CCDC82: variants seen among roughly 807,000 people sequenced by gnomAD.
CCDC82 encodes coiled-coil domain-containing protein 82.
CCDC82 carries 47 observed loss-of-function variants against 60.6 expected under a neutral mutation model. The observed-to-expected ratio is 0.77, with a 90% confidence interval of 0.61 to 0.99. The LOEUF (loss-of-function observed/expected upper bound fraction) is 0.99, where lower values mean the gene tolerates loss of function less well. Among genes scored for constraint, CCDC82 ranks in the 50% least tolerant of loss-of-function variants. The pLI is 0.00. For missense variants in CCDC82, 588 were observed against 633.0 expected, an observed-to-expected ratio of 0.93 and a Z score of 0.76; for synonymous variants, 212 against 207.4, an observed-to-expected ratio of 1.02 and a Z score of -0.19.
chr11:96,365,905 C>T (rs901394759), intron 7 of CCDC82, among the ~76,000 whole-genome samples: 2 of 152,192 alleles, frequency 1.3e-5, no homozygotes, highest in Non-Finnish European at 2.9e-5. Context: ...AGCATGGTTA[C>T]TAAACCACAT....
At chr11:96,364,370 A>G (rs1864834957) in intron 8 of CCDC82, 1 of 152,098 alleles carries the variant, frequency 6.6e-6, no homozygotes. Flanking sequence ...CTGGTCAACT[A>G]CTGCTCGATA....
At chr11:96,359,622 A>G (rs536579903) in intron 8 of CCDC82, among the ~76,000 whole-genome samples, 1 of 148,522 alleles carries the variant, frequency 6.7e-6, no homozygotes, top group African/African-American at 2.5e-5. Flanking sequence ...CTTTAATGAA[A>G]GGCAGAAGGA....
intron 7 of CCDC82, among the ~76,000 whole-genome samples, chr11:96,370,106 C>T (rs1167950669): frequency 1.3e-5 from 2 of 152,200 alleles, no homozygotes; most frequent in African/African-American, 4.8e-5. Context: ...CCTACACTGT[C>T]TTATAAACCT....
In CCDC82 at chr11:96,363,894, T is replaced by C. The variant is rs191816617; in HGVS notation, c.1380+1086A>G. ...TTTCCCATATATTTGTTAACTTTTA[T>C]AGTTTTCTCTTACGTGACTGGCAAT... is the stretch of plus-strand genomic sequence containing the variant. On this transcript the variant is annotated intron_variant, in intron 8 of 9. Coordinates refer to ENST00000646818, the MANE Select transcript of CCDC82 (RefSeq NM_024725.4). 624 of 152,342 alleles carry C rather than the reference T, an allele frequency of 4.1e-3. 3 individuals carry two copies. The highest frequency in any genetic ancestry group is 0.014 in the African/African-American group (591 of 41,586). 9.4% of individuals were successfully genotyped at this position (152,342 alleles called of 1,614,324 possible). A position where few individuals can be genotyped will look rare whatever the true frequency, so the allele number is the denominator to read the frequency against.
chr11:96,386,142 T>C (rs760338988), intron 3 of CCDC82, 112 bp downstream of exon 3: 28 of 152,246 alleles, frequency 1.8e-4, no homozygotes, highest in Non-Finnish European at 3.2e-4. Flanking sequence ...AAATCCAACT[T>C]AAGAAGATGA....
chr11:96,368,810 G>A (rs890624171), intron 7 of CCDC82, among the ~76,000 whole-genome samples: 3 of 150,640 alleles, frequency 2.0e-5, no homozygotes, highest in African/African-American at 7.3e-5. Context: ...AGCTTGCAGT[G>A]AGCCGAGATT....
intron 7 of CCDC82, among the ~76,000 whole-genome samples, chr11:96,370,570 A>G (rs1278862253): frequency 6.6e-6 from 1 of 152,220 alleles, no homozygotes; most frequent in Non-Finnish European, 1.5e-5. Flanking sequence ...AGCTTCACAG[A>G]GTAAAACACA....
At chr11:96,369,034 G>T (rs938162163) in intron 7 of CCDC82, among the ~76,000 whole-genome samples, 5 of 152,136 alleles carry the variant, frequency 3.3e-5, no homozygotes, top group Admixed American at 2.0e-4. Flanking sequence ...TATGGAGATG[G>T]CTTCTTTCTT....
intron 4 of CCDC82, among the ~76,000 whole-genome samples, chr11:96,383,701 GAATTAT>G (rs1261602338): frequency 6.6e-6 from 1 of 151,792 alleles, no homozygotes; most frequent in Admixed American, 6.6e-5. Context: ...ATGGACATTA[GAATTAT>G]AAGAAGTTAA....
rs536587382 is a variant in CCDC82, at chr11:96,375,155, A to G, written c.992-1688T>C. ...ACTGGGACTATTAACAGATGTGTTG[A>G]GAAACAAATCAAATTCATCCCATGT... On this transcript the variant is annotated intron_variant, in intron 5 of 9. Coordinates refer to ENST00000646818, the MANE Select transcript of CCDC82 (RefSeq NM_024725.4). 2.0e-5 allele frequency among the ~76,000 whole-genome samples: 3 copies of G among 152,314 alleles called. No homozygotes were observed. The South Asian group carries it at 6.2e-4, about 32-fold the overall frequency.
rs371180246 is a variant in CCDC82, at chr11:96,363,981, A to T, written c.1380+999T>A. The T allele has an allele frequency of 4.6e-5, 7 of 152,124 alleles. No homozygotes were observed. The East Asian group carries it at 9.6e-4, about 21-fold the overall frequency. The allele number at this position is 152,124 out of a possible 1,614,324, so 9.4% of individuals were successfully genotyped here. A position where few individuals can be genotyped will look rare whatever the true frequency, so the allele number is the denominator to read the frequency against. On this transcript the variant is annotated intron_variant, in intron 8 of 9. Transcript: ENST00000646818. ...TATTGTTTTTTTAAATATTTGAATA[A>T]CTATTTTATATAGAATCTTTACTGC... is the stretch of plus-strand genomic sequence containing the variant.
chr11:96,369,968 G>C (rs1298314190), intron 7 of CCDC82, among the ~76,000 whole-genome samples: 1 of 152,128 alleles, frequency 6.6e-6, no homozygotes, highest in Non-Finnish European at 1.5e-5. Flanking sequence ...TTTCACAATA[G>C]GTAAATATTT....
chr11:96,383,619 T>C (rs1284300652), intron 4 of CCDC82, 146 bp from the exon 5 acceptor site: 2 of 571,556 alleles, frequency 3.5e-6, no homozygotes, highest in Non-Finnish European at 5.8e-6. Flanking sequence ...AATAATTTTG[T>C]CATATTAAAT....
chr11:96,364,855 C>T (rs1391014807), intron 8 of CCDC82, 125 bp downstream of exon 8: 19 of 784,976 alleles, frequency 2.4e-5, no homozygotes, highest in East Asian at 2.9e-5. Context: ...TGTGGGTTGC[C>T]AATTTGGTGG....
intron 9 of CCDC82, chr11:96,358,483 C>A: frequency 8.1e-7 from 1 of 1,231,178 alleles, no homozygotes. Context: ...GCATTCCCCT[C>A]GATCTTCAGT....
intron 8 of CCDC82, 94 bp from the exon 9 acceptor site, chr11:96,359,272 T>A: frequency 1.1e-6 from 1 of 933,252 alleles, no homozygotes; most frequent in Non-Finnish European, 1.5e-6. Context: ...AATGCATTAT[T>A]AACTTCCAGT....
At position 96,384,504 on chromosome 11, in the gene CCDC82, C is replaced by T. The variant is rs756006016; in HGVS notation, c.244G>A (p.Glu82Lys). The T allele has an allele frequency of 4.3e-6, 7 of 1,613,754 alleles. No individual in the cohort carries two copies. Among genetic ancestry groups the T allele is most frequent in the Non-Finnish European group, 5.9e-6 (7 of 1,179,796 alleles). Residue 82 changes from glutamate (E) to lysine (K), a missense_variant, in exon 4 of 10, where the codon GAA (glutamate) becomes AAA (lysine). Glu to Lys is a moderately conservative substitution (Grantham distance 56). Transcript: ENST00000646818. Reference protein sequence around the residue: ...GPDCNKTPGSERELNLSKIQS... With the variant: ...GPDCNKTPGSKRELNLSKIQS... ...ATTTTACTTAAGTTGAGCTCTCTTT[C>T]ACTTCCTGGTGTTTTATTACAATCA...
At chr11:96,357,910 T>C (rs1565298682) in intron 9 of CCDC82, 1 of 985,226 alleles carries the variant, frequency 1.0e-6, no homozygotes, top group South Asian at 4.7e-5. Flanking sequence ...AAGAATAAAA[T>C]GAGAGAAAGA....
chr11:96,367,717 A>G (rs963048313), intron 7 of CCDC82, among the ~76,000 whole-genome samples: 2 of 152,008 alleles, frequency 1.3e-5, no homozygotes, highest in Non-Finnish European at 2.9e-5. Context: ...CCTTGATGGC[A>G]TCTAGAATGG....
Sources: allele counts gnomAD v4.1 joint callset (sites outside exome capture counted in the v4.1 genomes callset), GRCh38; gene constraint gnomAD v4.1.1; transcripts MANE v1.5; gene names NCBI Gene and HGNC (gene_info 2026-07-23, HGNC 2026-07-21).